BLK: variants seen among roughly 807,000 people sequenced by gnomAD.
The protein encoded by BLK is tyrosine-protein kinase Blk.
BLK carries 64 observed loss-of-function variants against 61.8 expected under a neutral mutation model. The observed-to-expected ratio is 1.03, with a 90% CI of 0.85 to 1.27. The LOEUF (loss-of-function observed/expected upper bound fraction) is 1.27, where lower values mean the gene tolerates loss of function less well. Ranked by LOEUF, BLK falls within the 50% of genes most tolerant of loss-of-function variation. The pLI, the probability that BLK is intolerant of heterozygous loss-of-function variation, is 0.00. For missense variants in BLK, 853 were observed against 660.5 expected (o/e 1.29, Z -3.19); for synonymous variants, 351 against 272.0 (o/e 1.29, Z -2.86).
At chr8:11,524,647 G>C (rs1013380030) in intron 1 of BLK, among the ~76,000 whole-genome samples, 1 of 152,100 alleles carries the variant, frequency 6.6e-6, no homozygotes, top group African/African-American at 2.4e-5. Context: ...CAAAAATTAA[G>C]GGAAGATATG....
chr8:11,516,154 G>A (rs1187907045), intron 1 of BLK, among the ~76,000 whole-genome samples: 1 of 152,222 alleles, frequency 6.6e-6, no homozygotes, highest in Non-Finnish European at 1.5e-5. Context: ...AGAGGAGAGA[G>A]TCAGACACAA....
intron 1 of BLK, among the ~76,000 whole-genome samples, chr8:11,506,464 G>A (rs1325920338): frequency 3.3e-5 from 5 of 152,212 alleles, no homozygotes; most frequent in African/African-American, 1.2e-4. Context: ...CCTGGCCTCT[G>A]GAGGGGTGTG....
At chr8:11,510,593 GT>G (rs1378108790) in intron 1 of BLK, among the ~76,000 whole-genome samples, 1 of 152,036 alleles carries the variant, frequency 6.6e-6, no homozygotes, top group East Asian at 1.9e-4. Flanking sequence ...CCCCAAAAAT[GT>G]TTTTTAAAAA....
intron 1 of BLK, among the ~76,000 whole-genome samples, chr8:11,506,169 C>A (rs551413068): frequency 7.9e-5 from 12 of 152,184 alleles, no homozygotes; most frequent in Non-Finnish European, 1.6e-4. Flanking sequence ...ACCAGCCTGG[C>A]TCTGGAGCTG....
intron 12 of BLK, 37 bp downstream of exon 12, chr8:11,563,147 T>C (rs1463674104): frequency 6.2e-7 from 1 of 1,612,570 alleles, no homozygotes; most frequent in South Asian, 1.1e-5. Context: ...GCTCCCTGCT[T>C]TCCCGGCCGG....
At chr8:11,510,128 G>A (rs573545265) in intron 1 of BLK, among the ~76,000 whole-genome samples, 16 of 152,306 alleles carry the variant, frequency 1.1e-4, no homozygotes, top group African/African-American at 3.4e-4. Flanking sequence ...AAGTCATTCT[G>A]AATTACATCG....
intron 10 of BLK, chr8:11,560,501 C>CCGT: frequency 4.1e-6 from 1 of 246,186 alleles, no homozygotes; most frequent in South Asian, 5.1e-5. Flanking sequence ...CTTGAAGTCG[C>CCGT]ATGTCTGAAG....
chr8:11,549,237 G>A, intron 5 of BLK, 115 bp downstream of exon 5: 2 of 898,826 alleles, frequency 2.2e-6, no homozygotes, highest in Non-Finnish European at 3.6e-6. Flanking sequence ...GCAGGCACTA[G>A]CAAAGAGGGG....
intron 6 of BLK, among the ~76,000 whole-genome samples, chr8:11,550,513 C>T (rs1585400881): frequency 6.6e-6 from 1 of 152,268 alleles, no homozygotes; most frequent in Non-Finnish European, 1.5e-5. Flanking sequence ...CCACGCCAGA[C>T]TGGCCCTGCT....
chr8:11,498,343 G>A (rs1798431974), intron 1 of BLK, among the ~76,000 whole-genome samples: 1 of 152,190 alleles, frequency 6.6e-6, no homozygotes, highest in Non-Finnish European at 1.5e-5. Flanking sequence ...TTGAGTCTGT[G>A]GATTCCTGAT....
At chr8:11,561,251 C>G in intron 10 of BLK, 51 bp from the exon 11 acceptor site, 5 of 1,592,056 alleles carry the variant, frequency 3.1e-6, no homozygotes, top group Non-Finnish European at 4.3e-6. Context: ...TGGGCTCGGT[C>G]TTGGCGTGGA....
chr8:11,506,549 G>A (rs537619309), intron 1 of BLK, among the ~76,000 whole-genome samples: 1 of 152,118 alleles, frequency 6.6e-6, no homozygotes, highest in Admixed American at 6.5e-5. Flanking sequence ...AGCTTGGTGT[G>A]CAAAAACAGA....
At chr8:11,509,167 G>T (rs1168711821) in intron 1 of BLK, 1 of 151,996 alleles carries the variant, frequency 6.6e-6, no homozygotes, top group East Asian at 1.9e-4. Context: ...CGCACGAAAA[G>T]TTGGCAATCC....
chr8:11,546,111 G>A lies in BLK; in HGVS notation c.175+8G>A. ...ATGAACACCTGGATGAAGGTAAGAA[G>A]GGTGGTTTGGGAAGCTGAGGCTCCA... is the stretch of plus-strand genomic sequence containing the variant. On this transcript the variant is annotated splice_region_variant and intron_variant, in intron 3 of 12. Coordinates refer to ENST00000259089, the MANE Select transcript of BLK (RefSeq NM_001715.3). 6.2e-7 allele frequency: 1 copy of A among 1,614,192 alleles called. No individual in the cohort carries two copies. The highest frequency in any genetic ancestry group is 1.3e-5 in the African/African-American group (1 of 75,056).
chr8:11,522,056 C>G (rs1799473602), intron 1 of BLK, among the ~76,000 whole-genome samples: 1 of 152,160 alleles, frequency 6.6e-6, no homozygotes, highest in South Asian at 2.1e-4. Context: ...CATGGTAAAT[C>G]CATCTTTCCT....
intron 1 of BLK, among the ~76,000 whole-genome samples, chr8:11,508,296 T>G (rs1585327446): frequency 6.6e-6 from 1 of 152,178 alleles, no homozygotes; most frequent in South Asian, 2.1e-4. Context: ...GCACAGCTAC[T>G]GGGGGTAGAT....
chr8:11,527,322 C>G (rs1198943075), intron 1 of BLK, among the ~76,000 whole-genome samples: 1 of 152,152 alleles, frequency 6.6e-6, no homozygotes, highest in African/African-American at 2.4e-5. Context: ...AATATATACT[C>G]TTGTATAAAG....
At chr8:11,550,115 G>A (rs1003667614) in intron 5 of BLK, 44 bp from the exon 6 acceptor site, 1 of 1,547,134 alleles carries the variant, frequency 6.5e-7, no homozygotes, top group South Asian at 1.1e-5. Context: ...ATACTCCGAG[G>A]AGCAGGGTCG....
chr8:11,525,865 C>G (rs1301536315), intron 1 of BLK, among the ~76,000 whole-genome samples: 1 of 152,174 alleles, frequency 6.6e-6, no homozygotes, highest in Non-Finnish European at 1.5e-5. Flanking sequence ...CTGCCTTAGC[C>G]TCCTGAGTAG....
Sources: gnomAD v4.1 joint callset for allele counts (sites outside exome capture counted in the v4.1 genomes callset) on GRCh38, gnomAD v4.1.1 for gene constraint, MANE v1.5 for transcripts, NCBI Gene and HGNC (gene_info 2026-07-23, HGNC 2026-07-21) for gene names.